Variants in SLCO2A1 observed in about 807,000 individuals in gnomAD.
SLCO2A1 encodes matrin F/G 1.
In SLCO2A1, 60 loss-of-function variants were observed where a neutral mutation model predicts 71.7. The observed-to-expected ratio is 0.84, with a 90% confidence interval of 0.68 to 1.04. The LOEUF is 1.04. SLCO2A1 is among the 50% of genes least tolerant of loss of function. SLCO2A1 has a pLI of 0.00. For synonymous variants in SLCO2A1, 308 were observed against 326.7 expected, an observed-to-expected ratio of 0.94 and a Z score of 0.62; for missense variants, 745 against 813.4, an observed-to-expected ratio of 0.92 and a Z score of 1.02.
At chr3:133,991,421 C>T (rs1934842696) in intron 1 of SLCO2A1, among the ~76,000 whole-genome samples, 1 of 152,222 alleles carries the variant, frequency 6.6e-6, no homozygotes, top group Non-Finnish European at 1.5e-5. Context: ...AGAAGTGATT[C>T]AGGAAATCCA....
In SLCO2A1 at chr3:133,945,225, C is replaced by T; in HGVS notation, c.1331G>A (p.Cys444Tyr). Residue 444 changes from cysteine (C) to tyrosine (Y), a missense_variant, in exon 10 of 14, where the codon TGC becomes TAC. Transcript: ENST00000310926. The part of the protein sequence containing the change: ...SSSIHPQSPA[C>Y]RRDCSCPDSI... The stretch of plus-strand genomic sequence containing the variant: ...ATCTGGGCACGAGCAGTCCCTGCGG[C>T]AGGCAGGAGACTGCGGATGTATAGA... 6.2e-7 allele frequency: 1 copy of T among 1,612,824 alleles called. No individual in the cohort carries two copies. Among genetic ancestry groups the T allele is most frequent in the Non-Finnish European group, 8.5e-7 (1 of 1,179,596 alleles).
chr3:133,979,772 C>G (rs1934545012), intron 1 of SLCO2A1, among the ~76,000 whole-genome samples, 154 bp from the exon 2 acceptor site: 1 of 152,126 alleles, frequency 6.6e-6, no homozygotes, highest in Admixed American at 6.5e-5. Flanking sequence ...GAAACGTCAT[C>G]ATTGCAACAT....
At chr3:134,028,651 T>C (rs554747818) in intron 1 of SLCO2A1, among the ~76,000 whole-genome samples, 2 of 152,210 alleles carry the variant, frequency 1.3e-5, no homozygotes, top group African/African-American at 4.8e-5. Context: ...TTCCCCTTAA[T>C]TGCACCACCG....
intron 2 of SLCO2A1, 120 bp from the exon 3 acceptor site, chr3:133,973,945 G>T: frequency 1.0e-6 from 1 of 996,660 alleles, no homozygotes; most frequent in Non-Finnish European, 1.5e-6. Context: ...CCCAGTGTCA[G>T]CTGGGGCCCA....
rs138584829 is a variant in SLCO2A1 at position 133,951,256 on chromosome 3, G to T, written c.813C>A (p.Thr271=). Residue 271 remains threonine (T), a synonymous_variant, in exon 6 of 14, where the codon ACC becomes ACA. Coordinates refer to ENST00000310926, the MANE Select transcript of SLCO2A1 (RefSeq NM_005630.3). Reference sequence around the variant, plus strand: ...GAGGGAAGAAAAAAAAGGGGAAAGAGGTGAGAACCAATAAAGCTGAAGAAA... The same window carrying T: ...GAGGGAAGAAAAAAAAGGGGAAAGATGTGAGAACCAATAAAGCTGAAGAAA... ...LLISSALLVL[T]SFPFFFFPRA... is the part of the protein sequence containing the mutation. 13 of 1,614,074 alleles carry T rather than the reference G, an allele frequency of 8.1e-6. No individual in the cohort carries two copies. Among genetic ancestry groups the T allele is most frequent in the Middle Eastern group, 3.3e-4 (2 of 6,062 alleles).
intron 1 of SLCO2A1, among the ~76,000 whole-genome samples, chr3:133,987,851 A>C (rs1047617735): frequency 7.9e-5 from 12 of 152,234 alleles, no homozygotes; most frequent in African/African-American, 2.4e-4. Flanking sequence ...GTGACCTCTC[A>C]GTTTGAAATA....
chr3:134,029,708 T>A lies in SLCO2A1; in HGVS notation c.95A>T (p.Lys32Met). The change falls in exon 1 of 14, where the codon AAG (lysine) becomes ATG (methionine). Residue 32 changes from lysine to methionine, a missense_variant and splice_region_variant. By Grantham distance (95) the Lys-to-Met change is moderately conservative (BLOSUM62 -1). Coordinates refer to ENST00000310926, the MANE Select transcript of SLCO2A1 (RefSeq NM_005630.3). ...GAAGACCCCGCGGACTCCGCTCACC[T>A]TAATGTTGCCGAAGACCGAGCGGGC... ...RCARSVFGNI[K>M]VFVLCQGLLQ... is the part of the protein sequence containing the mutation. 1 of 1,586,454 alleles carries A rather than the reference T, an allele frequency of 6.3e-7. No individual in the cohort carries two copies.
intron 1 of SLCO2A1, among the ~76,000 whole-genome samples, chr3:134,022,550 T>G (rs1935613609): frequency 6.6e-6 from 1 of 152,154 alleles, no homozygotes; most frequent in African/African-American, 2.4e-5. Flanking sequence ...GACATTAAAG[T>G]AAAAGCATAA....
chr3:133,957,927 G>C (rs1380912152), intron 3 of SLCO2A1, among the ~76,000 whole-genome samples: 2 of 152,180 alleles, frequency 1.3e-5, no homozygotes, highest in African/African-American at 4.8e-5. Flanking sequence ...CCAAAAAGAT[G>C]CCCAAGCATG....
intron 1 of SLCO2A1, among the ~76,000 whole-genome samples, chr3:134,021,448 T>C (rs1935574100): frequency 6.6e-6 from 1 of 152,156 alleles, no homozygotes; most frequent in East Asian, 1.9e-4. Flanking sequence ...AGCCAGGGAA[T>C]GCAGACCAGT....
At chr3:133,976,250 G>A (rs746303012) in intron 2 of SLCO2A1, among the ~76,000 whole-genome samples, 1 of 152,234 alleles carries the variant, frequency 6.6e-6, no homozygotes, top group Non-Finnish European at 1.5e-5. Context: ...ACCCACACCT[G>A]GAAAGAGAGC....
At chr3:134,012,502 G>A (rs1935364121) in intron 1 of SLCO2A1, among the ~76,000 whole-genome samples, 1 of 152,212 alleles carries the variant, frequency 6.6e-6, no homozygotes, top group South Asian at 2.1e-4. Context: ...TCTTTGAGCA[G>A]ATGAGCTTTC....
At chr3:133,942,331 G>C in intron 11 of SLCO2A1, 1 of 322,476 alleles carries the variant, frequency 3.1e-6, no homozygotes. Context: ...CAGAGTGGAG[G>C]CGCCAACAGG....
intron 1 of SLCO2A1, among the ~76,000 whole-genome samples, chr3:134,000,545 G>A (rs1314435344): frequency 1.3e-5 from 2 of 152,156 alleles, no homozygotes; most frequent in African/African-American, 4.8e-5. Flanking sequence ...ACTGGCAGGA[G>A]CATTAGGAAT....
intron 3 of SLCO2A1, among the ~76,000 whole-genome samples, chr3:133,956,327 A>G (rs989806755): frequency 3.3e-5 from 5 of 151,848 alleles, no homozygotes; most frequent in Non-Finnish European, 7.4e-5. Flanking sequence ...GGCTGGGGAG[A>G]GGGGTCTGTG....
At chr3:133,947,156 C>A in intron 9 of SLCO2A1, 100 bp downstream of exon 9, 2 of 1,040,562 alleles carry the variant, frequency 1.9e-6, no homozygotes, top group Non-Finnish European at 2.7e-6. Context: ...AAGTGTACAG[C>A]AAAGAATAGA....
chr3:134,029,510 TCACACA>T (rs1259104039), intron 1 of SLCO2A1, among the ~76,000 whole-genome samples, 191 bp downstream of exon 1: 1 of 144,370 alleles, frequency 6.9e-6, no homozygotes, highest in Non-Finnish European at 1.5e-5. Flanking sequence ...ACACACACGC[TCACACA>T]CACACACGCT....
intron 1 of SLCO2A1, among the ~76,000 whole-genome samples, chr3:134,012,409 T>C (rs1039966756): frequency 2.6e-5 from 4 of 152,110 alleles, no homozygotes; most frequent in African/African-American, 9.7e-5. Flanking sequence ...GGTGCTACAA[T>C]GTTCTGGGTC....
At chr3:134,023,384 C>T (rs1468310185) in intron 1 of SLCO2A1, among the ~76,000 whole-genome samples, 1 of 152,138 alleles carries the variant, frequency 6.6e-6, no homozygotes, top group Non-Finnish European at 1.5e-5. Flanking sequence ...CCTTGCTATA[C>T]CCTGTGAGGA....
Sources: gnomAD v4.1 joint callset for allele counts (sites outside exome capture counted in the v4.1 genomes callset) on GRCh38, gnomAD v4.1.1 for gene constraint, MANE v1.5 for transcripts, NCBI Gene and HGNC (gene_info 2026-07-23, HGNC 2026-07-21) for gene names.